Variants in GABBR2 observed in about 807,000 individuals in gnomAD.
GABBR2 encodes gamma-aminobutyric acid type B receptor subunit 2.
A neutral mutation model predicts 105.6 loss-of-function variants in GABBR2; 23 were observed. The observed-to-expected ratio is 0.22, with a 90% CI of 0.16 to 0.31. GABBR2 has a LOEUF of 0.31. Among genes scored for constraint, GABBR2 ranks in the 10% least tolerant of loss-of-function variants. GABBR2 has a pLI of 1.00. For synonymous variants in GABBR2, 478 were observed against 499.7 expected, an observed-to-expected ratio of 0.96 and a Z score of 0.58; for missense variants, 734 against 1,245.5, an observed-to-expected ratio of 0.59 and a Z score of 6.18.
intron 2 of GABBR2, among the ~76,000 whole-genome samples, chr9:98,553,420 C>A (rs1828527104): frequency 1.3e-5 from 2 of 151,874 alleles, no homozygotes; most frequent in Non-Finnish European, 2.9e-5. Flanking sequence ...ATGGCGAAAC[C>A]CCATCTCTAC....
In GABBR2 at chr9:98,708,882, G is replaced by T; in HGVS notation, c.-145C>A. On this transcript the variant is annotated 5_prime_UTR_variant, in exon 1 of 19. Coordinates refer to ENST00000259455, the MANE Select transcript of GABBR2 (RefSeq NM_005458.8). ...CCGTCTCGGGCTAGGGTTCCGGCTCGGCTCAGAACGGCCGCGGCGGCGGCG... is the reference window on the plus strand; with the variant it reads ...CCGTCTCGGGCTAGGGTTCCGGCTCTGCTCAGAACGGCCGCGGCGGCGGCG... 3.1e-6 allele frequency: 1 copy of T among 327,544 alleles called. No homozygotes were observed. Among genetic ancestry groups the T allele is most frequent in the South Asian group, 1.1e-4 (1 of 8,744 alleles). The allele number at this position is 327,544 out of a possible 1,614,324, so 20.3% of individuals were successfully genotyped here. A position where few individuals can be genotyped will look rare whatever the true frequency, so the allele number is the denominator to read the frequency against.
chr9:98,317,764 TG>T (rs1369434775), intron 13 of GABBR2, among the ~76,000 whole-genome samples: 3 of 152,230 alleles, frequency 2.0e-5, no homozygotes. Context: ...GAGACCAACA[TG>T]GCGCTTGCCT....
At chr9:98,627,583 C>G (rs1006816397) in intron 1 of GABBR2, among the ~76,000 whole-genome samples, 1 of 152,224 alleles carries the variant, frequency 6.6e-6, no homozygotes, top group African/African-American at 2.4e-5. Context: ...AGTGGTAGAA[C>G]AGAGAAAGGC....
chr9:98,661,635 A>G (rs557950958), intron 1 of GABBR2, among the ~76,000 whole-genome samples: 2 of 152,310 alleles, frequency 1.3e-5, no homozygotes, highest in South Asian at 4.1e-4. Context: ...TCCTGACCTC[A>G]GGTGATCCAC....
intron 1 of GABBR2, among the ~76,000 whole-genome samples, chr9:98,600,011 C>T (rs868027811): frequency 2.0e-5 from 3 of 152,142 alleles, no homozygotes; most frequent in South Asian, 4.1e-4. Context: ...GGCAGGCACG[C>T]GCTGGCTAAT....
chr9:98,594,465 C>G (rs1247464196), intron 1 of GABBR2, among the ~76,000 whole-genome samples: 1 of 152,062 alleles, frequency 6.6e-6, no homozygotes, highest in Non-Finnish European at 1.5e-5. Context: ...GACCAGCAAA[C>G]AGATGCCACC....
chr9:98,333,141 G>A (rs917707979), intron 13 of GABBR2, among the ~76,000 whole-genome samples: 4 of 152,098 alleles, frequency 2.6e-5, no homozygotes, highest in Non-Finnish European at 4.4e-5. Context: ...GCCAAAGGCC[G>A]GGTAATAAAT....
intron 7 of GABBR2, among the ~76,000 whole-genome samples, chr9:98,448,207 A>C (rs1437768893): frequency 6.6e-6 from 1 of 151,874 alleles, no homozygotes; most frequent in African/African-American, 2.4e-5. Context: ...TCCCACATAG[A>C]GTACACCCAC....
chr9:98,460,401 A>G (rs1272102877), intron 6 of GABBR2, among the ~76,000 whole-genome samples: 1 of 152,168 alleles, frequency 6.6e-6, no homozygotes, highest in Non-Finnish European at 1.5e-5. Flanking sequence ...TAAAATAGCA[A>G]GGTTTGTATG....
At chr9:98,510,346 G>A (rs1276635730) in intron 3 of GABBR2, among the ~76,000 whole-genome samples, 2 of 152,194 alleles carry the variant, frequency 1.3e-5, no homozygotes, top group African/African-American at 4.8e-5. Flanking sequence ...TCAAGGCTAG[G>A]AAGAAACTGC....
At chr9:98,330,673 TA>T (rs907152764) in intron 13 of GABBR2, among the ~76,000 whole-genome samples, 9 of 152,252 alleles carry the variant, frequency 5.9e-5, no homozygotes, top group Admixed American at 5.9e-4. Context: ...CCCCTCTCTC[TA>T]CCTTTGCTTT....
At chr9:98,537,266 C>T (rs185184041) in intron 3 of GABBR2, among the ~76,000 whole-genome samples, 26 of 152,182 alleles carry the variant, frequency 1.7e-4, no homozygotes, top group Non-Finnish European at 3.5e-4. Context: ...TCAAACACTG[C>T]GCTAAGTGAA....
intron 3 of GABBR2, among the ~76,000 whole-genome samples, chr9:98,514,627 C>T (rs1364564842): frequency 1.6e-4 from 19 of 118,078 alleles, no homozygotes; most frequent in African/African-American, 5.7e-4. Context: ...GGAAGGGGAA[C>T]GTCACACACC....
At chr9:98,512,824 C>T (rs1221511468) in intron 3 of GABBR2, among the ~76,000 whole-genome samples, 9 of 152,264 alleles carry the variant, frequency 5.9e-5, no homozygotes, top group South Asian at 2.1e-4. Context: ...CAAATGGCCA[C>T]ACTGCCCAAG....
intron 1 of GABBR2, among the ~76,000 whole-genome samples, chr9:98,610,111 C>G (rs1388810896): frequency 6.6e-6 from 1 of 152,226 alleles, no homozygotes; most frequent in African/African-American, 2.4e-5. Context: ...AGCACCCATC[C>G]TCCATCCGCC....
chr9:98,554,179 A>C (rs1021313731), intron 2 of GABBR2, among the ~76,000 whole-genome samples: 1 of 152,104 alleles, frequency 6.6e-6, no homozygotes, highest in Non-Finnish European at 1.5e-5. Flanking sequence ...CTAAGACTAG[A>C]AAGCAACCAG....
At chr9:98,696,638 G>A (rs1317718636) in intron 1 of GABBR2, among the ~76,000 whole-genome samples, 1 of 152,160 alleles carries the variant, frequency 6.6e-6, no homozygotes, top group East Asian at 1.9e-4. Flanking sequence ...CCAGAGCCTG[G>A]CACCAAGTAG....
At chr9:98,468,525 G>A (rs1423918002) in intron 6 of GABBR2, among the ~76,000 whole-genome samples, 1 of 152,176 alleles carries the variant, frequency 6.6e-6, no homozygotes, top group Non-Finnish European at 1.5e-5. Flanking sequence ...ATATTTTAGT[G>A]TCATGTTTAA....
intron 18 of GABBR2, among the ~76,000 whole-genome samples, chr9:98,292,004 T>G (rs1830309838): frequency 6.6e-6 from 1 of 152,196 alleles, no homozygotes; most frequent in Non-Finnish European, 1.5e-5. Context: ...CCCTTCTCAT[T>G]GCCACACCCT....
Sources: allele counts gnomAD v4.1 joint callset (sites outside exome capture counted in the v4.1 genomes callset), GRCh38; gene constraint gnomAD v4.1.1; transcripts MANE v1.5; gene names NCBI Gene and HGNC (gene_info 2026-07-23, HGNC 2026-07-21).